GLYATL2: variants seen among roughly 807,000 people sequenced by gnomAD.
GLYATL2 encodes glycine-N-acyltransferase like 2.
GLYATL2 carries 25 observed loss-of-function variants against 21.4 expected under a neutral mutation model. That is an observed-to-expected ratio of 1.17 (90% CI 0.85 to 1.63). The LOEUF is 1.63. Among genes scored for constraint, GLYATL2 ranks in the 40% most tolerant of loss-of-function variants. The pLI is 0.00. For synonymous variants in GLYATL2, 114 were observed against 118.2 expected, an observed-to-expected ratio of 0.96 and a Z score of 0.23; for missense variants, 361 against 343.3, an observed-to-expected ratio of 1.05 and a Z score of -0.41.
chr11:58,868,982 T>C lies in GLYATL2; in HGVS notation n.61-30614A>G, dbSNP rs1854067762. Among the ~76,000 whole-genome samples the C allele has an allele frequency of 3.3e-5, 5 of 149,564 alleles. 1 individual carries two copies. Among genetic ancestry groups the C allele is most frequent in the East Asian group, 4.4e-4 (2 of 4,532 alleles). On this transcript the variant is annotated intron_variant and non_coding_transcript_variant, in intron 1 of 4. Coordinates refer to the GLYATL2 transcript ENST00000533636. ...ATGGACACTCTTGGGGAGTTGTTCGTCATTTTGTGTGTGTCCAGGCAAGTG... is the reference window on the plus strand; with the variant it reads ...ATGGACACTCTTGGGGAGTTGTTCGCCATTTTGTGTGTGTCCAGGCAAGTG...
intron 1 of GLYATL2, among the ~76,000 whole-genome samples, chr11:58,901,686 C>T (rs1029245981): frequency 6.6e-6 from 1 of 152,078 alleles, no homozygotes; most frequent in African/African-American, 2.4e-5. Context: ...TTTCCCTCCC[C>T]CAACTAGTCC....
upstream of GLYATL2, among the ~76,000 whole-genome samples, chr11:58,846,520 G>A (rs774357056): frequency 5.5e-5 from 8 of 146,532 alleles, no homozygotes; most frequent in African/African-American, 5.5e-5. Flanking sequence ...CTCTGGGCAC[G>A]GGGGTAGAAA....
intron 2 of GLYATL2, among the ~76,000 whole-genome samples, chr11:58,839,307 T>A (rs1406205748): frequency 6.6e-6 from 1 of 152,108 alleles, no homozygotes; most frequent in Non-Finnish European, 1.5e-5. Flanking sequence ...CTGGAAGAGA[T>A]GACAAAGTAC....
rs1853453797 is a variant in GLYATL2 at position 58,837,311 on chromosome 11, G to T, written c.273C>A (p.Tyr91Ter). Residue 91 changes from tyrosine (Y) to a stop codon, truncating the protein, a stop_gained, in exon 4 of 6, where the codon TAC (tyrosine) becomes TAA (stop). Coordinates refer to ENST00000287275, the MANE Select transcript of GLYATL2 (RefSeq NM_145016.4). LOFTEE classifies it high-confidence loss of function. Reference protein sequence around the residue: ...APDKLEEVLSYSNVISWEQTL... With the variant: ...APDKLEEVLS ...TTTGCTCCCAGCTGATTACATTGGA[G>T]TATGACAGGACTTCCTCTAATTTGT... is the stretch of plus-strand genomic sequence containing the variant. 6.2e-7 allele frequency: 1 copy of T among 1,613,984 alleles called. No homozygotes were observed.
At chr11:58,886,858 G>A (rs1008614259) in intron 1 of GLYATL2, among the ~76,000 whole-genome samples, 5 of 152,092 alleles carry the variant, frequency 3.3e-5, no homozygotes, top group Non-Finnish European at 5.9e-5. Context: ...TTGCACATTG[G>A]GTCAGGATTG....
chr11:58,899,462 T>C (rs944669673), intron 1 of GLYATL2, among the ~76,000 whole-genome samples: 2 of 151,786 alleles, frequency 1.3e-5, no homozygotes, highest in South Asian at 2.1e-4. Flanking sequence ...GTGTAGTATA[T>C]GAAAAACAAC....
chr11:58,855,084 T>C (rs1853805434), intron 1 of GLYATL2, among the ~76,000 whole-genome samples: 1 of 152,214 alleles, frequency 6.6e-6, no homozygotes, highest in African/African-American at 2.4e-5. Context: ...TTCCTGTTGA[T>C]GTTGATAGCT....
intron 1 of GLYATL2, among the ~76,000 whole-genome samples, chr11:58,843,778 T>A (rs1280293460): frequency 6.6e-6 from 1 of 152,166 alleles, no homozygotes; most frequent in Non-Finnish European, 1.5e-5. Context: ...TATTAGAGGT[T>A]AAGATGTCAG....
chr11:58,890,677 C>A (rs1854527030), intron 1 of GLYATL2, among the ~76,000 whole-genome samples: 1 of 151,942 alleles, frequency 6.6e-6, no homozygotes, highest in Non-Finnish European at 1.5e-5. Flanking sequence ...ACATCCATTT[C>A]TTTTATCAGT....
intron 1 of GLYATL2, among the ~76,000 whole-genome samples, chr11:58,868,964 C>G (rs541559246): frequency 1.4e-5 from 2 of 144,932 alleles, no homozygotes; most frequent in East Asian, 2.4e-4. Context: ...AGTATGGACA[C>G]TCTTGGGGAG....
At chr11:58,886,216 TA>T (rs999157887) in intron 1 of GLYATL2, among the ~76,000 whole-genome samples, 11 of 151,366 alleles carry the variant, frequency 7.3e-5, no homozygotes, top group East Asian at 1.9e-4. Flanking sequence ...GATCCTGTCT[TA>T]AAAAAAAATG....
chr11:58,873,515 A>C (rs944399295), intron 1 of GLYATL2, among the ~76,000 whole-genome samples: 1 of 152,160 alleles, frequency 6.6e-6, no homozygotes, highest in Non-Finnish European at 1.5e-5. Flanking sequence ...AATTTTGTCA[A>C]AGGCCTTTTC....
At chr11:58,895,563 C>G (rs969326007) in intron 1 of GLYATL2, among the ~76,000 whole-genome samples, 2 of 152,186 alleles carry the variant, frequency 1.3e-5, no homozygotes, top group African/African-American at 4.8e-5. Flanking sequence ...GTCTCTAAGT[C>G]TAGAGGCTCC....
At chr11:58,892,713 C>A in intron 1 of GLYATL2, 2 of 353,482 alleles carry the variant, frequency 5.7e-6, no homozygotes, top group South Asian at 7.2e-5. Flanking sequence ...TTTTCAAAGT[C>A]AGTGAAGGTA....
chr11:58,892,227 AC>A, intron 1 of GLYATL2: 1 of 165,098 alleles, frequency 6.1e-6, no homozygotes. Flanking sequence ...GATATGACTG[AC>A]AACATGGATT....
chr11:58,909,331 A>G, the GLYATL2 span, among the ~76,000 whole-genome samples: 3 of 152,208 alleles, frequency 2.0e-5, no homozygotes, highest in Non-Finnish European at 4.4e-5. Context: ...TGGTGCCTAT[A>G]GTTAACAATA....
At chr11:58,865,152 A>AAC (rs1339785393) in intron 1 of GLYATL2, among the ~76,000 whole-genome samples, 1 of 147,594 alleles carries the variant, frequency 6.8e-6, no homozygotes, top group South Asian at 2.2e-4. Context: ...AGTTCTGCAA[A>AAC]AAAAAGGAAA....
intron 1 of GLYATL2, among the ~76,000 whole-genome samples, chr11:58,881,741 C>T (rs1027641126): frequency 6.6e-6 from 1 of 152,204 alleles, no homozygotes; most frequent in African/African-American, 2.4e-5. Context: ...TCCGCCCTCC[C>T]TCCACCCCAC....
At chr11:58,839,181 A>T (rs1359348507) in intron 2 of GLYATL2, among the ~76,000 whole-genome samples, 1 of 152,180 alleles carries the variant, frequency 6.6e-6, no homozygotes, top group Non-Finnish European at 1.5e-5. Flanking sequence ...CAAATTTGCT[A>T]TGGCAAATTT....
Sources: gnomAD v4.1 joint callset for allele counts (sites outside exome capture counted in the v4.1 genomes callset) on GRCh38, gnomAD v4.1.1 for gene constraint, MANE v1.5 for transcripts, NCBI Gene and HGNC (gene_info 2026-07-23, HGNC 2026-07-21) for gene names.